Variants in FRMD4A observed in about 807,000 individuals in gnomAD.
FRMD4A encodes the protein FERM domain containing 4A.
In FRMD4A, 29 loss-of-function variants were observed where a neutral mutation model predicts 129.1. That is an observed-to-expected ratio of 0.22 (90% CI 0.17 to 0.31). FRMD4A has a LOEUF of 0.31. Ranked by LOEUF, FRMD4A falls within the 10% of genes least tolerant of loss-of-function variation. The probability of loss-of-function intolerance (pLI) is 1.00; values close to 1 mark genes in which losing one functional copy is unlikely to be tolerated. For missense variants in FRMD4A, 1,272 were observed against 1,375.8 expected, an observed-to-expected ratio of 0.92 and a Z score of 1.19; for synonymous variants, 634 against 571.6, an observed-to-expected ratio of 1.11 and a Z score of -1.56.
At chr10:13,652,078 G>A (rs1227040931) in intron 23 of FRMD4A, 104 bp from the exon 24 acceptor site, 1 of 756,464 alleles carries the variant, frequency 1.3e-6, no homozygotes, top group South Asian at 1.4e-5. Context: ...ATATCCGAAA[G>A]GCTTGCTGAT....
chr10:14,214,283 C>T (rs1843011277), intron 2 of FRMD4A, among the ~76,000 whole-genome samples: 1 of 152,134 alleles, frequency 6.6e-6, no homozygotes, highest in South Asian at 2.1e-4. Context: ...ACCTGGAGGC[C>T]CTGAACACAG....
At chr10:14,008,405 C>T (rs931166458) in intron 2 of FRMD4A, 8 of 1,025,970 alleles carry the variant, frequency 7.8e-6, no homozygotes, top group African/African-American at 1.7e-5. Context: ...GAAGCAGCAT[C>T]TCTAGCTTTC....
intron 3 of FRMD4A, among the ~76,000 whole-genome samples, chr10:13,822,552 T>C (rs974642439): frequency 6.6e-5 from 10 of 152,152 alleles, no homozygotes; most frequent in Non-Finnish European, 1.3e-4. Context: ...GGGTGGCATA[T>C]GCAGTTGTTC....
At position 14,200,358 on chromosome 10, in the gene FRMD4A, A is replaced by G. The variant is rs1166510192; in HGVS notation, c.45+129700T>C. Among the ~76,000 whole-genome samples, 4 of 139,514 alleles carry G rather than the reference A, an allele frequency of 2.9e-5. 1 individual carries two copies. The highest frequency in any genetic ancestry group is 4.3e-4 in the South Asian group (2 of 4,648). The allele number at this position is 139,514 out of a possible 152,430, so 91.5% of individuals were successfully genotyped here. A position where few individuals can be genotyped will look rare whatever the true frequency, so the allele number is the denominator to read the frequency against. Reference sequence around the variant, plus strand: ...ACCCAGGCTGGAGTGCAGTGGTGCAATCTCAGCTCACTGCAACCTCCGCCT... The same window carrying G: ...ACCCAGGCTGGAGTGCAGTGGTGCAGTCTCAGCTCACTGCAACCTCCGCCT... On this transcript the variant is annotated intron_variant, in intron 2 of 24. Transcript: ENST00000357447.
intron 2 of FRMD4A, among the ~76,000 whole-genome samples, chr10:13,871,912 G>T (rs997586271): frequency 6.6e-6 from 1 of 152,230 alleles, no homozygotes; most frequent in African/African-American, 2.4e-5. Flanking sequence ...TCAGAGCCAG[G>T]CTCCAGAGCT....
intron 2 of FRMD4A, among the ~76,000 whole-genome samples, chr10:14,071,993 T>C (rs1292609693): frequency 6.6e-6 from 1 of 152,208 alleles, no homozygotes; most frequent in Non-Finnish European, 1.5e-5. Context: ...GTGACCAACA[T>C]TTAATAAGCC....
chr10:13,847,325 CA>C (rs1317780322), intron 3 of FRMD4A, among the ~76,000 whole-genome samples: 2 of 152,228 alleles, frequency 1.3e-5, no homozygotes, highest in East Asian at 1.9e-4. Context: ...CTGTGCTGGG[CA>C]AGCCAGGAAG....
intron 2 of FRMD4A, among the ~76,000 whole-genome samples, chr10:13,868,531 G>A (rs185113929): frequency 4.3e-4 from 66 of 152,256 alleles, no homozygotes; most frequent in African/African-American, 1.5e-3. Context: ...GGCCAGGCAC[G>A]GCGGCTCACT....
chr10:13,656,707 G>C lies in FRMD4A; in HGVS notation c.2882C>G (p.Thr961Ser). The change falls in exon 22 of 25, where the codon ACC becomes AGC. Residue 961 changes from threonine to serine, a missense_variant. Physicochemically the swap from Thr to Ser is moderately conservative, Grantham distance 58. Coordinates refer to ENST00000357447, the MANE Select transcript of FRMD4A (RefSeq NM_018027.5). ...TSSDSGSQYS[T>S]SSQSTFVAHS... ...CGCCACGAAGGTGCTCTGGGAGGAGGTGCTGTACTGCGAGCCGCTGTCCGA... is the reference window on the plus strand; with the variant it reads ...CGCCACGAAGGTGCTCTGGGAGGAGCTGCTGTACTGCGAGCCGCTGTCCGA... The C allele has an allele frequency of 6.3e-7, 1 of 1,583,992 alleles. No individual in the cohort carries two copies. The highest frequency in any genetic ancestry group is 8.6e-7 in the Non-Finnish European group (1 of 1,166,406).
intron 15 of FRMD4A, among the ~76,000 whole-genome samples, chr10:13,680,545 C>T (rs746193827): frequency 6.0e-5 from 9 of 150,694 alleles, no homozygotes; most frequent in East Asian, 4.0e-4. Flanking sequence ...GCCAACATGG[C>T]GAAACCCTGT....
intron 2 of FRMD4A, among the ~76,000 whole-genome samples, chr10:13,995,993 C>T (rs2095621258): frequency 6.6e-6 from 1 of 152,142 alleles, no homozygotes; most frequent in Non-Finnish European, 1.5e-5. Flanking sequence ...AGCTTACAAA[C>T]AACAGAAGTT....
intron 2 of FRMD4A, among the ~76,000 whole-genome samples, chr10:14,318,325 CCA>C (rs199913847): frequency 7.6e-5 from 11 of 144,030 alleles, no homozygotes; most frequent in East Asian, 6.3e-4. Context: ...ATATCCCCCC[CCA>C]CCTTTTTTTT....
chr10:13,791,340 C>T (rs948133163), intron 5 of FRMD4A, among the ~76,000 whole-genome samples: 1 of 152,014 alleles, frequency 6.6e-6, no homozygotes, highest in Non-Finnish European at 1.5e-5. Flanking sequence ...AACCATGAAC[C>T]AACCTGAAGT....
At chr10:13,794,209 T>C (rs1055771151) in intron 5 of FRMD4A, among the ~76,000 whole-genome samples, 1 of 151,956 alleles carries the variant, frequency 6.6e-6, no homozygotes, top group Non-Finnish European at 1.5e-5. Flanking sequence ...CTGACCAACA[T>C]GGTGAAACAC....
chr10:14,134,939 A>T (rs2131833486), intron 2 of FRMD4A, among the ~76,000 whole-genome samples: 1 of 152,356 alleles, frequency 6.6e-6, no homozygotes, highest in Middle Eastern at 3.4e-3. Flanking sequence ...TACAGTTGAC[A>T]TCAGAATAAA....
intron 12 of FRMD4A, among the ~76,000 whole-genome samples, chr10:13,728,075 G>A (rs984441268): frequency 2.0e-5 from 3 of 152,224 alleles, no homozygotes; most frequent in African/African-American, 7.2e-5. Flanking sequence ...TTCCAGGCAG[G>A]AAGAGTCACA....
chr10:13,729,569 T>G (rs951427725), intron 12 of FRMD4A: 1 of 152,222 alleles, frequency 6.6e-6, no homozygotes, highest in Non-Finnish European at 1.5e-5. Context: ...AAATCTTTAC[T>G]AATCCGGGGG....
chr10:14,062,420 A>G (rs1055384536), intron 2 of FRMD4A, among the ~76,000 whole-genome samples: 2 of 152,226 alleles, frequency 1.3e-5, no homozygotes, highest in African/African-American at 4.8e-5. Context: ...GGAAACTCCC[A>G]GAGATAAACA....
chr10:13,958,600 C>CTT (rs35600004), intron 2 of FRMD4A, among the ~76,000 whole-genome samples: 18 of 134,270 alleles, frequency 1.3e-4, no homozygotes, highest in South Asian at 2.4e-4. Context: ...TTCTTTCTTT[C>CTT]TTTTTTTTTT....
Sources: gnomAD v4.1 joint callset for allele counts (sites outside exome capture counted in the v4.1 genomes callset) on GRCh38, gnomAD v4.1.1 for gene constraint, MANE v1.5 for transcripts, NCBI Gene and HGNC (gene_info 2026-07-23, HGNC 2026-07-21) for gene names.